The following CDH10 variants were observed in gnomAD, a reference collection of about 807,000 sequenced individuals.
CDH10 encodes the protein cadherin 10.
CDH10 carries 30 observed loss-of-function variants against 73.1 expected under a neutral mutation model. The ratio of observed to expected loss-of-function variants is 0.41; its 90% CI spans 0.31 to 0.56. The LOEUF is 0.56. CDH10 is among the 20% of genes least tolerant of loss of function. The probability of loss-of-function intolerance (pLI) is 0.27; values close to 1 mark genes in which losing one functional copy is unlikely to be tolerated. For missense variants in CDH10, 815 were observed against 973.7 expected, an observed-to-expected ratio of 0.84 and a Z score of 2.17; for synonymous variants, 345 against 348.2, an observed-to-expected ratio of 0.99 and a Z score of 0.10.
intron 5 of CDH10, among the ~76,000 whole-genome samples, chr5:24,524,391 A>G (rs1743449625): frequency 6.6e-6 from 1 of 152,214 alleles, no homozygotes; most frequent in Admixed American, 6.5e-5. Flanking sequence ...AGCAGTAGGC[A>G]GGGAACTAGA....
intron 5 of CDH10, among the ~76,000 whole-genome samples, chr5:24,527,402 T>C (rs1420616177): frequency 6.7e-6 from 1 of 150,244 alleles, no homozygotes; most frequent in Non-Finnish European, 1.5e-5. Flanking sequence ...ATATTATATA[T>C]ATTTATATTT....
chr5:24,624,079 G>A (rs538452964), intron 1 of CDH10, among the ~76,000 whole-genome samples: 24 of 152,176 alleles, frequency 1.6e-4, no homozygotes, highest in Middle Eastern at 3.4e-3. Context: ...TTTTTTGAGA[G>A]CTCAGTACGT....
At chr5:24,632,388 T>C (rs916635392) in intron 1 of CDH10, among the ~76,000 whole-genome samples, 1 of 152,086 alleles carries the variant, frequency 6.6e-6, no homozygotes, top group Admixed American at 6.6e-5. Context: ...AAATGCTTTA[T>C]ATATTCATTT....
chr5:24,607,980 T>C (rs951977403), intron 1 of CDH10, among the ~76,000 whole-genome samples: 3 of 152,338 alleles, frequency 2.0e-5, no homozygotes, highest in African/African-American at 7.2e-5. Context: ...CATTTTGACC[T>C]TCCTGACAAT....
At chr5:24,580,611 G>GT (rs1745764554) in intron 2 of CDH10, among the ~76,000 whole-genome samples, 1 of 152,104 alleles carries the variant, frequency 6.6e-6, no homozygotes, top group African/African-American at 2.4e-5. Context: ...AAATTCTACA[G>GT]TATCTTCCCA....
At chr5:24,640,798 G>A (rs1748024387) in intron 1 of CDH10, among the ~76,000 whole-genome samples, 1 of 151,594 alleles carries the variant, frequency 6.6e-6, no homozygotes, top group African/African-American at 2.4e-5. Flanking sequence ...TTTAACCAAT[G>A]TCTCTTAAAG....
intron 1 of CDH10, among the ~76,000 whole-genome samples, chr5:24,631,583 T>C (rs1747707307): frequency 6.6e-6 from 1 of 151,968 alleles, no homozygotes; most frequent in African/African-American, 2.4e-5. Context: ...TACTCACCTT[T>C]CAAGTCCCTC....
chr5:24,518,378 T>TAC (rs1417663234), intron 5 of CDH10, among the ~76,000 whole-genome samples: 1 of 151,906 alleles, frequency 6.6e-6, no homozygotes, highest in Non-Finnish European at 1.5e-5. Flanking sequence ...CAGATATATA[T>TAC]ACACACACAC....
intron 2 of CDH10, among the ~76,000 whole-genome samples, chr5:24,552,670 C>T (rs1474469267): frequency 6.6e-6 from 1 of 152,050 alleles, no homozygotes; most frequent in Non-Finnish European, 1.5e-5. Flanking sequence ...TTTCTCCACC[C>T]CTCAATGATT....
intron 2 of CDH10, among the ~76,000 whole-genome samples, chr5:24,549,382 G>A (rs1744462531): frequency 1.3e-5 from 2 of 152,024 alleles, no homozygotes; most frequent in Non-Finnish European, 1.5e-5. Flanking sequence ...AAGGATAAAT[G>A]AGAAGAAAAT....
intron 2 of CDH10, among the ~76,000 whole-genome samples, chr5:24,569,170 A>G (rs1300557933): frequency 6.6e-6 from 1 of 152,138 alleles, no homozygotes; most frequent in East Asian, 1.9e-4. Flanking sequence ...TTGAAAACAT[A>G]TAATTCCACT....
intron 1 of CDH10, among the ~76,000 whole-genome samples, chr5:24,634,397 T>C (rs1324996364): frequency 1.3e-5 from 2 of 151,954 alleles, no homozygotes; most frequent in Admixed American, 6.6e-5. Context: ...TATATACATT[T>C]AGATGATCAA....
chr5:24,584,445 C>CTTTTTTTTTT (rs34192671), intron 2 of CDH10, among the ~76,000 whole-genome samples: 19 of 28,082 alleles, frequency 6.8e-4, no homozygotes, highest in South Asian at 2.3e-3. Context: ...CTTTCTTTTC[C>CTTTTTTTTTT]TTTTTTTTTT....
rs536750474 is a variant in CDH10 at position 24,558,541 on chromosome 5, A to G, written c.232-20867T>C. Among the ~76,000 whole-genome samples the G allele has an allele frequency of 7.9e-5, 12 of 151,858 alleles. No individual in the cohort carries two copies. The South Asian group carries it at 2.5e-3, about 31-fold the overall frequency. On this transcript the variant is annotated intron_variant, in intron 2 of 11. Transcript: ENST00000264463. ...TTTAAATAAGTAAAAATAATTTTAG[A>G]TGGCCATACTTTATATAGAATACTG...
chr5:24,593,249 C>T lies in CDH10; in HGVS notation c.231+11G>A, dbSNP rs781272382. The stretch of plus-strand genomic sequence containing the variant: ...CAAATATAAACACGTGCCATTTTAA[C>T]ACAAGCTTACCTTGCCTACGTACTG... On this transcript the variant is annotated intron_variant, in intron 2 of 11. Transcript: ENST00000264463. The T allele has an allele frequency of 1.0e-5, 15 of 1,472,032 alleles. No individual in the cohort carries two copies. The highest frequency in any genetic ancestry group is 1.3e-5 in the Non-Finnish European group (14 of 1,052,842). The allele number at this position is 1,472,032 out of a possible 1,614,324, so 91.2% of individuals were successfully genotyped here. A position where few individuals can be genotyped will look rare whatever the true frequency, so the allele number is the denominator to read the frequency against.
intron 1 of CDH10, among the ~76,000 whole-genome samples, chr5:24,627,407 A>C (rs748311525): frequency 6.6e-6 from 1 of 152,302 alleles, no homozygotes; most frequent in Admixed American, 6.5e-5. Flanking sequence ...GTCACCAATA[A>C]ATAGAAATTT....
intron 5 of CDH10, among the ~76,000 whole-genome samples, chr5:24,523,854 T>C (rs1330168374): frequency 1.3e-5 from 2 of 152,170 alleles, no homozygotes; most frequent in Non-Finnish European, 2.9e-5. Context: ...CTCCACTGTT[T>C]CACATTAAAA....
chr5:24,572,511 C>G (rs1579826193), intron 2 of CDH10, among the ~76,000 whole-genome samples: 1 of 151,960 alleles, frequency 6.6e-6, no homozygotes. Flanking sequence ...TTCAGTTTGA[C>G]AAAACAATTA....
chr5:24,610,575 TG>T (rs1187587644), intron 1 of CDH10, among the ~76,000 whole-genome samples: 2 of 152,192 alleles, frequency 1.3e-5, no homozygotes, highest in Non-Finnish European at 2.9e-5. Context: ...CTCTACCGAA[TG>T]GAATTATGAT....
Sources: allele counts gnomAD v4.1 joint callset (sites outside exome capture counted in the v4.1 genomes callset), GRCh38; gene constraint gnomAD v4.1.1; transcripts MANE v1.5; gene names NCBI Gene and HGNC (gene_info 2026-07-23, HGNC 2026-07-21).